Variants in KIF5C observed in about 807,000 individuals in gnomAD.
The protein encoded by KIF5C is kinesin family member 5C, also known as kinesin heavy chain isoform 5C.
A neutral mutation model predicts 125.2 loss-of-function variants in KIF5C; 18 were observed. That is an observed-to-expected ratio of 0.14 (90% CI 0.10 to 0.21). The LOEUF (loss-of-function observed/expected upper bound fraction) is 0.21, where lower values mean the gene tolerates loss of function less well. KIF5C is among the 10% of genes least tolerant of loss of function. The probability of loss-of-function intolerance (pLI) is 1.00; values close to 1 mark genes in which losing one functional copy is unlikely to be tolerated. For synonymous variants in KIF5C, 405 were observed against 434.0 expected (o/e 0.93, Z 0.83); for missense variants, 780 against 1,183.8 (o/e 0.66, Z 5.01).
At chr2:148,887,980 T>C (rs1681593285) in intron 1 of KIF5C, among the ~76,000 whole-genome samples, 2 of 152,176 alleles carry the variant, frequency 1.3e-5, no homozygotes, top group South Asian at 2.1e-4. Context: ...CAGCAAGGGC[T>C]GCGACCCCGC....
intron 11 of KIF5C, among the ~76,000 whole-genome samples, chr2:148,965,141 G>A (rs1044201448): frequency 6.6e-6 from 1 of 152,160 alleles, no homozygotes; most frequent in Non-Finnish European, 1.5e-5. Flanking sequence ...GGAGAACCAG[G>A]GGTGAGGGAG....
chr2:149,026,595 A>G lies in KIF5C; in HGVS notation c.*3525A>G, dbSNP rs1682691131. On this transcript the variant is annotated 3_prime_UTR_variant, in exon 26 of 26. Coordinates refer to ENST00000435030, the MANE Select transcript of KIF5C (RefSeq NM_004522.3). ...TTTATATCAATAACGATGCTGTACT[A>G]TAGTCCATGTAACAAAAGATCTGGA... The G allele has an allele frequency of 6.5e-6, 1 of 152,774 alleles. No individual in the cohort carries two copies. The highest frequency in any genetic ancestry group is 2.1e-4 in the South Asian group (1 of 4,830). 9.5% of individuals were successfully genotyped at this position (152,774 alleles called of 1,614,324 possible).
At position 148,875,362 on chromosome 2, in the gene KIF5C, G is replaced by T; in HGVS notation, c.-256G>T. 2.6e-6 allele frequency: 1 copy of T among 385,674 alleles called. No homozygotes were observed. The highest frequency in any genetic ancestry group is 4.6e-6 in the Non-Finnish European group (1 of 217,140). The allele number at this position is 385,674 out of a possible 1,614,324, so 23.9% of individuals were successfully genotyped here. On this transcript the variant is annotated 5_prime_UTR_variant, in exon 1 of 26. Transcript: ENST00000435030. ...CGGGCAGGTGGGCCGGGGGGCGCTG[G>T]GCAGGGGCGGGGCAGGGCCAGGGCA...
At chr2:148,899,672 C>T (rs1055859071) in intron 1 of KIF5C, among the ~76,000 whole-genome samples, 6 of 145,814 alleles carry the variant, frequency 4.1e-5, no homozygotes, top group Admixed American at 7.0e-5. Context: ...CACTGCTCTC[C>T]GCCTGGGCAA....
At chr2:148,929,580 A>T (rs1682123847) in intron 3 of KIF5C, among the ~76,000 whole-genome samples, 1 of 152,266 alleles carries the variant, frequency 6.6e-6, no homozygotes, top group Non-Finnish European at 1.5e-5. Context: ...TGACAGTAAC[A>T]ATACATTCTA....
intron 19 of KIF5C, chr2:148,998,755 C>A: frequency 2.0e-6 from 1 of 511,028 alleles, no homozygotes; most frequent in Non-Finnish European, 3.4e-6. Context: ...TCCCCGAGGG[C>A]CAGGGTCACA....
chr2:149,016,553 C>G (rs1307266504), intron 25 of KIF5C, among the ~76,000 whole-genome samples: 1 of 152,164 alleles, frequency 6.6e-6, no homozygotes, highest in Non-Finnish European at 1.5e-5. Context: ...TTTGTGGGCT[C>G]TAGCAGTTAG....
Position 149,006,075 on chromosome 2 carries a change from C to T in KIF5C, c.2445+611C>T, listed in dbSNP as rs532785646. Among the ~76,000 whole-genome samples, 166 of 152,278 alleles carry T rather than the reference C, an allele frequency of 1.1e-3. 2 individuals are homozygous for T. Among genetic ancestry groups the T allele is most frequent in the African/African-American group, 3.6e-3 (149 of 41,552 alleles). ...TCTGGATCTGAGCTTCTTCCATCCTCGTGCTACAGCAGCAGTCTGGAGACA... is the reference window on the plus strand; with the variant it reads ...TCTGGATCTGAGCTTCTTCCATCCTTGTGCTACAGCAGCAGTCTGGAGACA... On this transcript the variant is annotated intron_variant, in intron 22 of 25. Coordinates refer to ENST00000435030, the MANE Select transcript of KIF5C (RefSeq NM_004522.3).
chr2:148,932,158 C>T (rs535397201), intron 3 of KIF5C, among the ~76,000 whole-genome samples: 36 of 152,140 alleles, frequency 2.4e-4, no homozygotes, highest in Non-Finnish European at 4.1e-4. Context: ...GTCAAAAAAG[C>T]CCTACAGGGT....
intron 24 of KIF5C, among the ~76,000 whole-genome samples, chr2:149,010,580 CA>C (rs1402535094): frequency 6.6e-6 from 1 of 152,250 alleles, no homozygotes; most frequent in Admixed American, 6.5e-5. Context: ...ATCGTGGTCT[CA>C]AAACTTCTGA....
intron 15 of KIF5C, among the ~76,000 whole-genome samples, chr2:148,986,231 G>T (rs1433203483): frequency 6.6e-6 from 1 of 152,160 alleles, no homozygotes; most frequent in African/African-American, 2.4e-5. Flanking sequence ...TTACCTTTGG[G>T]AATCTGAACT....
intron 2 of KIF5C, 53 bp from the exon 3 acceptor site, chr2:148,929,228 C>A: frequency 6.3e-6 from 7 of 1,106,160 alleles, no homozygotes; most frequent in Admixed American, 2.1e-5. Context: ...CAACCTACAC[C>A]AGCATATGAT....
chr2:148,991,813 C>T lies in KIF5C; in HGVS notation c.1905+615C>T, dbSNP rs80279173. ...TGTGTGAACCCAAAACCCATGTCTT[C>T]AAGGGCTTTTCAAGCCCGAGGGTAC... On this transcript the variant is annotated intron_variant, in intron 16 of 25. Transcript: ENST00000435030. Among the ~76,000 whole-genome samples, 1,052 of 152,332 alleles carry T rather than the reference C, an allele frequency of 6.9e-3. 17 individuals carry two copies. The highest frequency in any genetic ancestry group is 0.065 in the Middle Eastern group (19 of 294).
chr2:148,896,240 C>G (rs187804289), intron 1 of KIF5C, among the ~76,000 whole-genome samples: 23 of 152,320 alleles, frequency 1.5e-4, no homozygotes, highest in African/African-American at 5.1e-4. Flanking sequence ...TAGAAGAGAG[C>G]TCTCAGCGAG....
At chr2:148,967,619 G>T (rs554712718) in intron 11 of KIF5C, among the ~76,000 whole-genome samples, 2 of 152,256 alleles carry the variant, frequency 1.3e-5, no homozygotes, top group Admixed American at 1.3e-4. Context: ...GTGTCGAGTG[G>T]CTGAAAAGCA....
intron 16 of KIF5C, among the ~76,000 whole-genome samples, chr2:148,991,975 G>A (rs1003191214): frequency 3.9e-5 from 6 of 152,192 alleles, no homozygotes; most frequent in Admixed American, 1.3e-4. Context: ...TGGGTCTGAC[G>A]TTTCCAGGAG....
At chr2:148,928,777 C>T (rs1400264559) in intron 2 of KIF5C, among the ~76,000 whole-genome samples, 5 of 152,154 alleles carry the variant, frequency 3.3e-5, no homozygotes, top group Admixed American at 2.6e-4. Flanking sequence ...TTTTCCTCCC[C>T]CACCTCTGGA....
chr2:148,922,200 A>G lies in KIF5C; in HGVS notation c.190A>G (p.Asn64Asp). ...CAACACGACCCAAGAGCAGGTTTAC[A>G]ATGCATGTGCGAAGCAAATTGTCAA... ...PPNTTQEQVYNACAKQIVKDV... is the reference protein window; with the variant it reads ...PPNTTQEQVYDACAKQIVKDV... Residue 64 changes from asparagine (N) to aspartate (D), a missense_variant, in exon 2 of 26, where the codon AAT (asparagine) becomes GAT (aspartate). By Grantham distance (23) the Asn-to-Asp change is conservative (BLOSUM62 1). Transcript: ENST00000435030. 6.2e-7 allele frequency: 1 copy of G among 1,613,084 alleles called. No individual in the cohort carries two copies. The highest frequency in any genetic ancestry group is 1.7e-4 in the Middle Eastern group (1 of 6,060).
chr2:148,987,691 G>A (rs1055541851), intron 15 of KIF5C, among the ~76,000 whole-genome samples: 2 of 152,072 alleles, frequency 1.3e-5, no homozygotes, highest in South Asian at 4.2e-4. Context: ...GGGGGGTTAG[G>A]ATTTTATTTG....
Sources: allele counts gnomAD v4.1 joint callset (sites outside exome capture counted in the v4.1 genomes callset), GRCh38; gene constraint gnomAD v4.1.1; transcripts MANE v1.5; gene names NCBI Gene and HGNC (gene_info 2026-07-23, HGNC 2026-07-21).